LMNTD1: variants seen among roughly 807,000 people sequenced by gnomAD.
LMNTD1 encodes the protein lamin tail domain-containing protein 1.
LMNTD1 carries 35 observed loss-of-function variants against 50.9 expected under a neutral mutation model. The observed-to-expected ratio is 0.69, with a 90% CI of 0.53 to 0.91. The LOEUF is 0.91. Among genes scored for constraint, LMNTD1 ranks in the 40% least tolerant of loss-of-function variants. LMNTD1 has a pLI of 0.00. For synonymous variants in LMNTD1, 153 were observed against 161.9 expected, an observed-to-expected ratio of 0.94 and a Z score of 0.42; for missense variants, 470 against 475.5, an observed-to-expected ratio of 0.99 and a Z score of 0.11.
chr12:25,626,898 G>A (rs1434168478), intron 1 of LMNTD1, among the ~76,000 whole-genome samples: 2 of 152,144 alleles, frequency 1.3e-5, no homozygotes, highest in Non-Finnish European at 2.9e-5. Context: ...TTTATTTTGT[G>A]ATTCTTTTAA....
intron 9 of LMNTD1, among the ~76,000 whole-genome samples, chr12:25,493,398 T>A (rs7302125): frequency 6.6e-6 from 1 of 151,976 alleles, no homozygotes; most frequent in Non-Finnish European, 1.5e-5. Context: ...TGTTGAGGGG[T>A]CCTACAAAGG....
chr12:25,531,709 T>A (rs993461296), intron 4 of LMNTD1, among the ~76,000 whole-genome samples: 1 of 152,204 alleles, frequency 6.6e-6, no homozygotes, highest in Non-Finnish European at 1.5e-5. Flanking sequence ...AATCTTCTTC[T>A]GTGTTTCCAT....
Position 25,518,933 on chromosome 12 carries a change from G to A in LMNTD1, c.1051C>T (p.Arg351Cys), listed in dbSNP as rs374903281. 20 of 1,613,988 alleles carry A rather than the reference G, an allele frequency of 1.2e-5. No individual in the cohort carries two copies. The highest frequency in any genetic ancestry group is 4.5e-5 in the East Asian group (2 of 44,896). ...TAGGGATTCTGGCACCAAGGGCTGCGATTAGGGAAAACGGTTGGTGGGATT... is the reference window on the plus strand; with the variant it reads ...TAGGGATTCTGGCACCAAGGGCTGCAATTAGGGAAAACGGTTGGTGGGATT... ...KEIPPTVFPN[R>C]SPWCQNPYVS... Residue 351 changes from arginine (R) to cysteine (C), a missense_variant, in exon 8 of 10, where the codon CGC (arginine) becomes TGC (cysteine). Coordinates refer to ENST00000458174, the MANE Select transcript of LMNTD1 (RefSeq NM_001145728.2).
At chr12:25,579,278 TC>T (rs1945171439) in intron 1 of LMNTD1, among the ~76,000 whole-genome samples, 1 of 152,240 alleles carries the variant, frequency 6.6e-6, no homozygotes, top group African/African-American at 2.4e-5. Flanking sequence ...CAGACTTTTT[TC>T]TTACTATTAT....
At chr12:25,631,918 G>A (rs1592123088) in intron 1 of LMNTD1, among the ~76,000 whole-genome samples, 1 of 152,078 alleles carries the variant, frequency 6.6e-6, no homozygotes, top group African/African-American at 2.4e-5. Flanking sequence ...AAAGTGAAGG[G>A]TGAAATATTC....
intron 8 of LMNTD1, among the ~76,000 whole-genome samples, chr12:25,508,018 T>G (rs1939947517): frequency 6.6e-6 from 1 of 152,068 alleles, no homozygotes; most frequent in African/African-American, 2.4e-5. Context: ...AACGTGTTTT[T>G]TTTTTTAGAT....
rs185398664 is a variant in LMNTD1 at position 25,523,318 on chromosome 12, C to T, written c.798+2781G>A. Among the ~76,000 whole-genome samples, 717 of 152,324 alleles carry T rather than the reference C, an allele frequency of 4.7e-3. 1 individual carries two copies. The highest frequency in any genetic ancestry group is 7.6e-3 in the Non-Finnish European group (517 of 68,028). The stretch of plus-strand genomic sequence containing the variant: ...AAGTGCTGGGATTACAGGCATAAGC[C>T]ACTGCGCTGGCCTAGGCTTCTTTTT... On this transcript the variant is annotated intron_variant, in intron 6 of 9. Coordinates refer to ENST00000458174, the MANE Select transcript of LMNTD1 (RefSeq NM_001145728.2).
At chr12:25,493,680 A>C (rs1435840718) in intron 9 of LMNTD1, among the ~76,000 whole-genome samples, 2 of 152,224 alleles carry the variant, frequency 1.3e-5, no homozygotes, top group Non-Finnish European at 2.9e-5. Flanking sequence ...GGCAAGATCA[A>C]GTTGAAAAGT....
intron 1 of LMNTD1, among the ~76,000 whole-genome samples, chr12:25,583,053 G>C (rs12822051): frequency 6.8e-6 from 1 of 147,586 alleles, no homozygotes; most frequent in Non-Finnish European, 1.5e-5. Context: ...TCGATCTTTC[G>C]CCCAGGCTGG....
intron 1 of LMNTD1, among the ~76,000 whole-genome samples, chr12:25,562,792 T>C (rs1944391862): frequency 6.6e-6 from 1 of 152,220 alleles, no homozygotes; most frequent in Admixed American, 6.5e-5. Context: ...GTAGATTTGG[T>C]CTTTTCACAT....
At chr12:25,599,337 C>T (rs1459967213) in intron 1 of LMNTD1, among the ~76,000 whole-genome samples, 3 of 151,806 alleles carry the variant, frequency 2.0e-5, no homozygotes, top group African/African-American at 7.3e-5. Flanking sequence ...TATGACAGAC[C>T]CACAGCTGCT....
intron 9 of LMNTD1, among the ~76,000 whole-genome samples, chr12:25,484,661 C>G (rs1055268209): frequency 8.1e-6 from 1 of 123,348 alleles, no homozygotes; most frequent in East Asian, 2.7e-4. Flanking sequence ...CCCCTCCCCC[C>G]ACCCCACCAC....
chr12:25,624,066 T>C, intron 1 of LMNTD1, among the ~76,000 whole-genome samples: 1 of 152,214 alleles, frequency 6.6e-6, no homozygotes, highest in East Asian at 1.9e-4. Flanking sequence ...CAACCTATCT[T>C]TGGCATAAAC....
At chr12:25,645,902 T>C (rs1265723744) in intron 1 of LMNTD1, among the ~76,000 whole-genome samples, 1 of 152,182 alleles carries the variant, frequency 6.6e-6, no homozygotes, top group Non-Finnish European at 1.5e-5. Context: ...TCACTACTGC[T>C]GCATGGTAGT....
At chr12:25,501,275 G>A (rs1939374220) in intron 9 of LMNTD1, among the ~76,000 whole-genome samples, 1 of 152,168 alleles carries the variant, frequency 6.6e-6, no homozygotes, top group Admixed American at 6.5e-5. Flanking sequence ...ACAGGTGTGA[G>A]CCACTGTGCC....
chr12:25,644,502 GAAC>G (rs1193040772), intron 1 of LMNTD1, among the ~76,000 whole-genome samples: 2 of 150,654 alleles, frequency 1.3e-5, no homozygotes, highest in East Asian at 1.9e-4. Flanking sequence ...ACAAACAAAC[GAAC>G]AACAACAAAA....
intron 1 of LMNTD1, among the ~76,000 whole-genome samples, chr12:25,595,924 A>G (rs1945834951): frequency 6.6e-6 from 1 of 152,154 alleles, no homozygotes; most frequent in Non-Finnish European, 1.5e-5. Flanking sequence ...ATGACACCAC[A>G]GAAATACAAA....
Position 25,565,540 on chromosome 12 carries a change from ACTGT to A in LMNTD1, c.59-18990_59-18987del, listed in dbSNP as rs531738830. On this transcript the variant is annotated intron_variant, in intron 1 of 7. Coordinates refer to the LMNTD1 transcript ENST00000445693. Reference sequence around the variant, plus strand: ...GTTGTTTCTATTTATATCTTATTGTACTGTCTGTGTCATGAAAAGTTGTTGTAGT... The same window carrying A: ...GTTGTTTCTATTTATATCTTATTGTACTGTGTCATGAAAAGTTGTTGTAGT... Among the ~76,000 whole-genome samples, 59 of 152,268 alleles carry A rather than the reference ACTGT, an allele frequency of 3.9e-4. No individual in the cohort carries two copies. The East Asian group carries it at 9.8e-3, about 25-fold the overall frequency.
intron 1 of LMNTD1, among the ~76,000 whole-genome samples, chr12:25,594,960 G>C (rs1945810789): frequency 6.6e-6 from 1 of 152,014 alleles, no homozygotes; most frequent in Non-Finnish European, 1.5e-5. Context: ...AAACTTTAAA[G>C]CAACAGCAGT....
Sources: allele counts gnomAD v4.1 joint callset (sites outside exome capture counted in the v4.1 genomes callset), GRCh38; gene constraint gnomAD v4.1.1; transcripts MANE v1.5; gene names NCBI Gene and HGNC (gene_info 2026-07-23, HGNC 2026-07-21).